The following SLC45A4 variants were observed in gnomAD, a reference collection of about 807,000 sequenced individuals.
SLC45A4 encodes solute carrier family 45 member 4.
A neutral mutation model predicts 63.7 loss-of-function variants in SLC45A4; 32 were observed. The observed-to-expected ratio is 0.50, with a 90% CI of 0.38 to 0.67. SLC45A4 has a LOEUF of 0.67. Ranked by LOEUF, SLC45A4 falls within the 30% of genes least tolerant of loss-of-function variation. SLC45A4 has a pLI of 0.00. For missense variants in SLC45A4, 1,027 were observed against 1,157.7 expected (o/e 0.89, Z 1.64); for synonymous variants, 535 against 510.0 (o/e 1.05, Z -0.66).
intron 3 of SLC45A4, among the ~76,000 whole-genome samples, chr8:141,220,997 G>A (rs1826588100): frequency 6.6e-6 from 1 of 152,264 alleles, no homozygotes; most frequent in Non-Finnish European, 1.5e-5. Context: ...GCGTCCCGGG[G>A]CCTCTCCTCC....
rs1210360380 is a variant in SLC45A4, at chr8:141,302,463, A to G, written c.-401+5633T>C. ...ATTCTTGTGCTTTAGCCTCCTAAGT[A>G]GCTGGGATTATAGGCGTGCACCACC... On this transcript the variant is annotated intron_variant, in intron 1 of 8. Coordinates refer to ENST00000517878, the MANE Select transcript of SLC45A4 (RefSeq NM_001286646.2). Among the ~76,000 whole-genome samples the G allele has an allele frequency of 6.3e-5, 9 of 143,542 alleles. No homozygotes were observed. The Admixed American group carries it at 6.7e-4, about 11-fold the overall frequency. 94.2% of individuals were successfully genotyped at this position (143,542 alleles called of 152,430 possible). A position where few individuals can be genotyped will look rare whatever the true frequency, so the allele number is the denominator to read the frequency against.
chr8:141,304,274 C>T (rs1293732120), intron 1 of SLC45A4, among the ~76,000 whole-genome samples: 1 of 151,688 alleles, frequency 6.6e-6, no homozygotes, highest in African/African-American at 2.4e-5. Context: ...TAAATACACA[C>T]ACACACACAC....
intron 1 of SLC45A4, among the ~76,000 whole-genome samples, chr8:141,263,718 C>T (rs1386962214): frequency 1.4e-5 from 2 of 143,510 alleles, no homozygotes; most frequent in Non-Finnish European, 3.0e-5. Context: ...TGCAGTGAGC[C>T]GAAACTGCGC....
intron 7 of SLC45A4, among the ~76,000 whole-genome samples, chr8:141,213,517 T>TA (rs1184450863): frequency 2.0e-5 from 3 of 152,216 alleles, no homozygotes; most frequent in African/African-American, 7.2e-5. Flanking sequence ...ATGAAAATTA[T>TA]AAAAATCTTT....
At chr8:141,259,453 ACCCTTC>A (rs1247157413) in intron 1 of SLC45A4, among the ~76,000 whole-genome samples, 21 of 152,022 alleles carry the variant, frequency 1.4e-4, no homozygotes, top group Non-Finnish European at 2.6e-4. Flanking sequence ...GCCAGCCTGC[ACCCTTC>A]CGTCTCTCCC....
chr8:141,297,554 C>G (rs937633380), intron 1 of SLC45A4, among the ~76,000 whole-genome samples: 2 of 152,226 alleles, frequency 1.3e-5, no homozygotes, highest in African/African-American at 2.4e-5. Flanking sequence ...AAAAACCTAT[C>G]TGAACTTTAC....
At position 141,218,226 on chromosome 8, in the gene SLC45A4, T is replaced by G. The variant is rs768924213; in HGVS notation, c.1414A>C (p.Asn472His). 10 of 1,601,936 alleles carry G rather than the reference T, an allele frequency of 6.2e-6. No individual in the cohort carries two copies. The highest frequency in any genetic ancestry group is 8.5e-6 in the Non-Finnish European group (10 of 1,179,686). ...QKRQRQHRHR[N>H]QSGATTSSGD... ...CTGGAGGTGGTGGCCCCGCTCTGGTTCCGGTGCCGGTGCTGCCGCTGCCGC... is the reference window on the plus strand; with the variant it reads ...CTGGAGGTGGTGGCCCCGCTCTGGTGCCGGTGCCGGTGCTGCCGCTGCCGC... The change falls in exon 5 of 9, where the codon AAC (asparagine) becomes CAC (histidine). Residue 472 changes from asparagine to histidine, a missense_variant. Coordinates refer to ENST00000517878, the MANE Select transcript of SLC45A4 (RefSeq NM_001286646.2).
chr8:141,263,399 GAAAT>G (rs1444828215), intron 1 of SLC45A4, among the ~76,000 whole-genome samples: 6 of 143,428 alleles, frequency 4.2e-5, no homozygotes, highest in Admixed American at 2.1e-4. Context: ...GAAGAAAAAA[GAAAT>G]AAAGTCAACA....
In SLC45A4 at chr8:141,215,300, AAAT is replaced by A. The variant is rs1826073713; in HGVS notation, c.1941+456_1941+458del. ...CTTTTTTCATATAGAGTACATGCTG[AAAT>A]AATGTTTTAGATACACCAGGTTGAA... is the stretch of plus-strand genomic sequence containing the variant. On this transcript the variant is annotated intron_variant, in intron 7 of 8. Transcript: ENST00000517878. This position sits in a 1 kb window ranked among gnomAD's most constrained non-coding sequence, Gnocchi z 4.3. Among the ~76,000 whole-genome samples the A allele has an allele frequency of 6.6e-6, 1 of 152,208 alleles. No individual in the cohort carries two copies. Among genetic ancestry groups the A allele is most frequent in the Admixed American group, 6.5e-5 (1 of 15,288 alleles).
chr8:141,257,825 A>G (rs1453945407), intron 1 of SLC45A4, among the ~76,000 whole-genome samples: 1 of 152,166 alleles, frequency 6.6e-6, no homozygotes, highest in East Asian at 1.9e-4. Context: ...TCCAGCAGAG[A>G]AGGCCCTGGC....
chr8:141,305,126 C>T (rs1830860616), intron 1 of SLC45A4, among the ~76,000 whole-genome samples: 1 of 152,186 alleles, frequency 6.6e-6, no homozygotes, highest in Admixed American at 6.5e-5. Flanking sequence ...GCATTTGATA[C>T]TCGGGGGAAA....
intron 7 of SLC45A4, among the ~76,000 whole-genome samples, chr8:141,213,923 T>C (rs775822096): frequency 8.5e-5 from 13 of 152,180 alleles, no homozygotes; most frequent in South Asian, 2.1e-4. Flanking sequence ...CATCATACTC[T>C]GGGCTGGGCA....
Position 141,218,474 on chromosome 8 carries a change from G to A in SLC45A4, c.1166C>T (p.Ser389Phe), listed in dbSNP as rs1403984392. 4 of 1,613,154 alleles carry A rather than the reference G, an allele frequency of 2.5e-6. No homozygotes were observed. Among genetic ancestry groups the A allele is most frequent in the African/African-American group, 1.3e-5 (1 of 75,052 alleles). The change falls in exon 5 of 9, where the codon TCC becomes TTC. Residue 389 changes from serine to phenylalanine, a missense_variant. Coordinates refer to ENST00000517878, the MANE Select transcript of SLC45A4 (RefSeq NM_001286646.2). Reference protein sequence around the residue: ...NEAKVPNGSGSPTKDALGGYT... With the variant: ...NEAKVPNGSGFPTKDALGGYT... ...GCCGCCGAGGGCGTCTTTTGTGGGGGAGCCACTTCCGTTTGGGACTTTAGC... is the reference window on the plus strand; with the variant it reads ...GCCGCCGAGGGCGTCTTTTGTGGGGAAGCCACTTCCGTTTGGGACTTTAGC...
intron 5 of SLC45A4, 141 bp downstream of exon 5, chr8:141,217,870 C>G (rs1826263215): frequency 9.2e-7 from 1 of 1,092,214 alleles, no homozygotes; most frequent in Non-Finnish European, 1.3e-6. Flanking sequence ...CCGCGGGTCC[C>G]TCACCTGCAC....
At chr8:141,290,920 C>A (rs1830323555) in intron 1 of SLC45A4, among the ~76,000 whole-genome samples, 1 of 152,254 alleles carries the variant, frequency 6.6e-6, no homozygotes, top group Non-Finnish European at 1.5e-5. Flanking sequence ...GCGATCTCAG[C>A]TCACTGTAAC....
chr8:141,290,582 A>G (rs535317169), intron 1 of SLC45A4, among the ~76,000 whole-genome samples: 8 of 152,306 alleles, frequency 5.3e-5, no homozygotes, highest in African/African-American at 1.9e-4. Flanking sequence ...GGTCATGACA[A>G]CGACATGAAA....
chr8:141,273,806 T>C (rs1829627226), intron 1 of SLC45A4, among the ~76,000 whole-genome samples: 1 of 152,064 alleles, frequency 6.6e-6, no homozygotes, highest in South Asian at 2.1e-4. Flanking sequence ...AAAATGGAAA[T>C]GGCTAACTGT....
At chr8:141,295,940 C>T (rs1457047043) in intron 1 of SLC45A4, among the ~76,000 whole-genome samples, 2 of 152,236 alleles carry the variant, frequency 1.3e-5, no homozygotes, top group South Asian at 4.1e-4. Flanking sequence ...AAGGTGTCCA[C>T]AGCCCGGGGT....
chr8:141,275,958 G>C (rs1220071713), intron 1 of SLC45A4, among the ~76,000 whole-genome samples: 1 of 151,502 alleles, frequency 6.6e-6, no homozygotes, highest in African/African-American at 2.4e-5. Flanking sequence ...TGTCACCCAG[G>C]CTGGAGTGCA....
Sources: allele counts gnomAD v4.1 joint callset (sites outside exome capture counted in the v4.1 genomes callset), GRCh38; gene constraint gnomAD v4.1.1; non-coding constraint Gnocchi (gnomAD v3.1); transcripts MANE v1.5; gene names NCBI Gene and HGNC (gene_info 2026-07-23, HGNC 2026-07-21).